Variants in ANK3 observed in about 807,000 individuals in gnomAD.
ANK3 encodes the protein ankyrin 3.
ANK3 carries 57 observed loss-of-function variants against 370.9 expected under a neutral mutation model. That is an observed-to-expected ratio of 0.15 (90% confidence interval 0.12 to 0.19). The LOEUF is 0.19. Among genes scored for constraint, ANK3 ranks in the 10% least tolerant of loss-of-function variants. The pLI is 1.00. For synonymous variants in ANK3, 1,929 were observed against 1,946.3 expected, an observed-to-expected ratio of 0.99 and a Z score of 0.23; for missense variants, 4,439 against 5,302.1, an observed-to-expected ratio of 0.84 and a Z score of 5.06.
intron 1 of ANK3, among the ~76,000 whole-genome samples, chr10:60,661,748 A>G (rs1319479402): frequency 6.6e-6 from 1 of 152,218 alleles, no homozygotes; most frequent in Non-Finnish European, 1.5e-5. Flanking sequence ...CGTAGCTGCA[A>G]GAAAAAGCAT....
chr10:60,629,438 T>A (rs1417045402), intron 1 of ANK3, among the ~76,000 whole-genome samples: 1 of 152,150 alleles, frequency 6.6e-6, no homozygotes, highest in African/African-American at 2.4e-5. Flanking sequence ...CTTTATTGGA[T>A]CACTAAATAA....
chr10:60,286,459 A>T (rs190612773), intron 1 of ANK3, among the ~76,000 whole-genome samples: 1 of 152,252 alleles, frequency 6.6e-6, no homozygotes, highest in East Asian at 1.9e-4. Context: ...CCATTATGTG[A>T]TTATGACATA....
intron 1 of ANK3, 92 bp from the exon 2 acceptor site, chr10:60,279,731 G>A (rs759682755): frequency 1.3e-5 from 12 of 910,272 alleles, no homozygotes; most frequent in Non-Finnish European, 2.1e-5. Context: ...TAAAATAATT[G>A]AACTCTTTTA....
At chr10:60,590,990 T>G (rs2393675) in intron 2 of ANK3, among the ~76,000 whole-genome samples, 104,820 of 152,042 alleles carry the variant, frequency 0.69, 36,613 homozygotes, top group South Asian at 0.88. Context: ...ACACCATGCA[T>G]AAAGGTGCTG....
At chr10:60,103,076 G>A (rs12257227) in intron 28 of ANK3, among the ~76,000 whole-genome samples, 6 of 151,858 alleles carry the variant, frequency 4.0e-5, no homozygotes, top group African/African-American at 9.7e-5. Flanking sequence ...TCAGCCTCCC[G>A]AGTAGCTGGG....
chr10:60,691,464 C>T (rs61200222), intron 1 of ANK3, among the ~76,000 whole-genome samples: 7,911 of 152,182 alleles, frequency 0.052, 288 homozygotes, highest in African/African-American at 0.086. Flanking sequence ...AAAGAACCAA[C>T]GTAAAGCATT....
chr10:60,477,536 C>T (rs1045953888), intron 2 of ANK3, among the ~76,000 whole-genome samples: 1 of 151,188 alleles, frequency 6.6e-6, no homozygotes, highest in African/African-American at 2.4e-5. Flanking sequence ...CACACACACA[C>T]ACACACACAC....
In ANK3 at chr10:60,069,361, TAC is replaced by T; in HGVS notation, c.11518_11519del (p.Val3840LysfsTer3). 1 of 1,614,130 alleles carries T rather than the reference TAC, an allele frequency of 6.2e-7. No individual in the cohort carries two copies. The highest frequency in any genetic ancestry group is 8.5e-7 in the Non-Finnish European group (1 of 1,180,016). ...CTCCAAGAACTTTCTGCTTATCTCT[TAC>T]ACAGTGTCCTTGTAGTACCCCTGTC... Reference protein sequence around the residue: ...KKTGVLQGHCVRDKQKVLGEQ... With the variant: ...KKTGVLQGHCXRDKQKVLGEQ... On this transcript the variant is annotated frameshift_variant, in exon 37 of 44. Coordinates refer to ENST00000280772, the MANE Select transcript of ANK3 (RefSeq NM_020987.5). LOFTEE classifies it high-confidence loss of function.
chr10:60,320,873 A>T (rs770114235), intron 1 of ANK3, among the ~76,000 whole-genome samples: 2 of 152,210 alleles, frequency 1.3e-5, no homozygotes, highest in African/African-American at 2.4e-5. Flanking sequence ...GACTTCATGC[A>T]GCAGTGATTC....
At chr10:60,266,916 C>T (rs2097889314) in intron 5 of ANK3, among the ~76,000 whole-genome samples, 1 of 152,092 alleles carries the variant, frequency 6.6e-6, no homozygotes, top group Non-Finnish European at 1.5e-5. Flanking sequence ...TTAATAATTA[C>T]TCATGGAATA....
At position 60,468,779 on chromosome 10, in the gene ANK3, A is replaced by G. The variant is rs12252609; in HGVS notation, c.96+146407T>C. 2.6e-3 allele frequency among the ~76,000 whole-genome samples: 399 copies of G among 151,870 alleles called. 4 individuals carry two copies. The highest frequency in any genetic ancestry group is 9.4e-3 in the African/African-American group (389 of 41,446). ...TCAGCATAATATATTATATCACTCA[A>G]TATACACTGGTTATTGTGATTTGTT... is the stretch of plus-strand genomic sequence containing the variant. On this transcript the variant is annotated intron_variant, in intron 2 of 43. Transcript: ENST00000373827.
At chr10:60,084,557 T>C (rs931873765) in intron 32 of ANK3, 45 bp downstream of exon 32, 7 of 1,482,014 alleles carry the variant, frequency 4.7e-6, no homozygotes, top group Non-Finnish European at 6.6e-6. Context: ...AAACCTCATA[T>C]CTGGAGTACG....
At chr10:60,424,691 T>C (rs1488199752) in intron 2 of ANK3, among the ~76,000 whole-genome samples, 1 of 152,112 alleles carries the variant, frequency 6.6e-6, no homozygotes, top group Non-Finnish European at 1.5e-5. Flanking sequence ...TTCCTAGTTC[T>C]GAGCCTTGGG....
At chr10:60,043,880 A>C in intron 42 of ANK3, 2 of 979,334 alleles carry the variant, frequency 2.0e-6, no homozygotes, top group Non-Finnish European at 2.4e-6. Flanking sequence ...AGACAGTTAA[A>C]AAAAAAAAGT....
chr10:60,650,812 G>T (rs1046652964), intron 1 of ANK3, among the ~76,000 whole-genome samples: 9 of 152,198 alleles, frequency 5.9e-5, no homozygotes, highest in African/African-American at 1.9e-4. Context: ...GGCCCAGCAT[G>T]GTAGCTCATG....
chr10:60,541,263 G>A (rs2076841798), intron 2 of ANK3, among the ~76,000 whole-genome samples: 1 of 151,866 alleles, frequency 6.6e-6, no homozygotes, highest in South Asian at 2.1e-4. Flanking sequence ...TTCATCTGAT[G>A]GTGATTAAAG....
At chr10:60,342,177 G>C (rs1328587818) in intron 1 of ANK3, among the ~76,000 whole-genome samples, 1 of 152,060 alleles carries the variant, frequency 6.6e-6, no homozygotes, top group Non-Finnish European at 1.5e-5. Context: ...ATTTTATCTT[G>C]AGAAGCATGA....
intron 1 of ANK3, among the ~76,000 whole-genome samples, chr10:60,281,663 T>C (rs1307620524): frequency 6.6e-6 from 1 of 152,174 alleles, no homozygotes; most frequent in Non-Finnish European, 1.5e-5. Flanking sequence ...AACAAATAAG[T>C]AAATTGGGTG....
intron 23 of ANK3, among the ~76,000 whole-genome samples, chr10:60,151,894 A>G (rs2095136595): frequency 6.6e-6 from 1 of 152,224 alleles, no homozygotes; most frequent in Non-Finnish European, 1.5e-5. Context: ...TATTTTCCAC[A>G]TCTATGAAAT....
Sources: gnomAD v4.1 joint callset for allele counts (sites outside exome capture counted in the v4.1 genomes callset) on GRCh38, gnomAD v4.1.1 for gene constraint, MANE v1.5 for transcripts, NCBI Gene and HGNC (gene_info 2026-07-23, HGNC 2026-07-21) for gene names.